The following MAGI2 variants were observed in gnomAD, a reference collection of about 807,000 sequenced individuals.
MAGI2 encodes membrane associated guanylate kinase, WW and PDZ domain containing 2, also known as membrane-associated guanylate kinase, WW and PDZ domain-containing protein 2.
Under a neutral mutation model 133.3 loss-of-function variants are expected in MAGI2, and 35 were observed. The observed-to-expected ratio is 0.26, with a 90% confidence interval of 0.20 to 0.35. The LOEUF (loss-of-function observed/expected upper bound fraction) is 0.35. Among genes scored for constraint, MAGI2 ranks in the 10% least tolerant of loss-of-function variants. MAGI2 has a pLI of 1.00. For synonymous variants in MAGI2, 729 were observed against 710.6 expected (o/e 1.03, Z -0.41); for missense variants, 1,636 against 1,863.4 (o/e 0.88, Z 2.25).
intron 2 of MAGI2, among the ~76,000 whole-genome samples, chr7:78,652,486 A>C (rs2151017196): frequency 6.6e-6 from 1 of 152,284 alleles, no homozygotes; most frequent in East Asian, 1.9e-4. Context: ...ATCTAAAACC[A>C]TCTGATCCTT....
At chr7:78,070,154 C>T (rs1439392639) in intron 21 of MAGI2, among the ~76,000 whole-genome samples, 3 of 118,420 alleles carry the variant, frequency 2.5e-5, no homozygotes, top group African/African-American at 6.6e-5. Context: ...TATATACACA[C>T]ATATATATAC....
intron 2 of MAGI2, among the ~76,000 whole-genome samples, chr7:78,866,602 C>T (rs1563598981): frequency 6.6e-6 from 1 of 151,912 alleles, no homozygotes; most frequent in African/African-American, 2.4e-5. Flanking sequence ...CTTATCGGGG[C>T]TGCTGGAACC....
At chr7:78,483,486 A>G (rs560500467) in intron 6 of MAGI2, among the ~76,000 whole-genome samples, 49 of 151,980 alleles carry the variant, frequency 3.2e-4, no homozygotes, top group African/African-American at 1.1e-3. Flanking sequence ...AAAATACTTA[A>G]TATCTTTTAT....
intron 1 of MAGI2, among the ~76,000 whole-genome samples, chr7:79,070,761 G>C (rs954211956): frequency 2.0e-5 from 3 of 151,982 alleles, no homozygotes; most frequent in South Asian, 4.2e-4. Context: ...AAAGTGCTGG[G>C]ATTACAGGTG....
At chr7:79,187,976 T>C (rs1413647729) in intron 1 of MAGI2, among the ~76,000 whole-genome samples, 3 of 151,866 alleles carry the variant, frequency 2.0e-5, no homozygotes, top group East Asian at 3.9e-4. Flanking sequence ...GCATTTCCAC[T>C]AAAAGGTTTA....
intron 2 of MAGI2, among the ~76,000 whole-genome samples, chr7:78,760,183 G>A (rs143619146): frequency 1.3e-5 from 2 of 152,028 alleles, no homozygotes; most frequent in Non-Finnish European, 2.9e-5. Flanking sequence ...GTTTCTCTGA[G>A]AGCACCTGCC....
At chr7:78,813,248 A>G (rs888050368) in intron 2 of MAGI2, among the ~76,000 whole-genome samples, 7 of 152,218 alleles carry the variant, frequency 4.6e-5, no homozygotes, top group African/African-American at 1.7e-4. Context: ...AGTTCAAGAA[A>G]ACCACAGACC....
intron 2 of MAGI2, among the ~76,000 whole-genome samples, chr7:79,002,305 T>A (rs1415570017): frequency 1.3e-5 from 2 of 151,768 alleles, no homozygotes; most frequent in Admixed American, 1.3e-4. Context: ...ATTTTTTTTT[T>A]GTAGAGATAG....
intron 2 of MAGI2, among the ~76,000 whole-genome samples, chr7:79,001,818 A>G (rs1240592196): frequency 2.0e-5 from 3 of 152,210 alleles, no homozygotes; most frequent in African/African-American, 7.2e-5. Context: ...TGCACATTTA[A>G]CATGCTGTGA....
intron 2 of MAGI2, among the ~76,000 whole-genome samples, chr7:78,914,370 C>T (rs370953575): frequency 6.6e-6 from 1 of 152,006 alleles, no homozygotes. Flanking sequence ...ACTAAAAATT[C>T]AATTAATTAG....
intron 3 of MAGI2, among the ~76,000 whole-genome samples, chr7:78,576,927 TG>T (rs1802328921): frequency 6.6e-6 from 1 of 152,138 alleles, no homozygotes; most frequent in Non-Finnish European, 1.5e-5. Context: ...AGTTAAGCCC[TG>T]TCTCTACTAA....
At chr7:78,066,558 C>G (rs544346985) in intron 21 of MAGI2, among the ~76,000 whole-genome samples, 1 of 151,942 alleles carries the variant, frequency 6.6e-6, no homozygotes, top group Non-Finnish European at 1.5e-5. Flanking sequence ...CTTGCCTGTT[C>G]TGTTCCACTG....
chr7:79,004,228 T>C (rs1039794019), intron 2 of MAGI2, among the ~76,000 whole-genome samples: 10 of 152,044 alleles, frequency 6.6e-5, no homozygotes, highest in African/African-American at 2.4e-4. Flanking sequence ...AAGGGACAAA[T>C]GGATACATAA....
At chr7:79,251,601 T>C (rs1015406263) in intron 1 of MAGI2, among the ~76,000 whole-genome samples, 1 of 152,062 alleles carries the variant, frequency 6.6e-6, no homozygotes, top group Non-Finnish European at 1.5e-5. Context: ...CTGGTGAGGA[T>C]GTGAAGAAAA....
At chr7:79,301,861 T>A (rs1472953204) in intron 1 of MAGI2, among the ~76,000 whole-genome samples, 1 of 152,178 alleles carries the variant, frequency 6.6e-6, no homozygotes, top group East Asian at 1.9e-4. Context: ...GGTGCTGTCT[T>A]CATGATAGTG....
intron 1 of MAGI2, among the ~76,000 whole-genome samples, chr7:79,103,853 C>T (rs1051041985): frequency 5.7e-5 from 7 of 122,372 alleles, no homozygotes; most frequent in Non-Finnish European, 1.4e-4. Context: ...GCGCCCGCCA[C>T]CACACCTGGC....
chr7:79,018,853 T>C (rs1004848166), intron 1 of MAGI2, among the ~76,000 whole-genome samples: 3 of 152,134 alleles, frequency 2.0e-5, no homozygotes, highest in South Asian at 2.1e-4. Flanking sequence ...ATCCTAAATA[T>C]ATACACACAG....
intron 1 of MAGI2, among the ~76,000 whole-genome samples, chr7:79,021,643 T>G (rs1267152260): frequency 6.6e-6 from 1 of 152,224 alleles, no homozygotes; most frequent in Admixed American, 6.5e-5. Context: ...ATCTAGGAAG[T>G]AACTAACTTG....
chr7:78,110,737 G>C lies in MAGI2; in HGVS notation c.3567+14957C>G, dbSNP rs553896843. On this transcript the variant is annotated intron_variant, in intron 20 of 21. Transcript: ENST00000354212. Reference sequence around the variant, plus strand: ...GAGAAGGAAGCAGCAATGTTCCACAGGCAGGAGCAATGCCATCTCTGAGTT... The same window carrying C: ...GAGAAGGAAGCAGCAATGTTCCACACGCAGGAGCAATGCCATCTCTGAGTT... Among the ~76,000 whole-genome samples the C allele has an allele frequency of 4.6e-5, 7 of 152,306 alleles. No homozygotes were observed. In the East Asian group the frequency reaches 1.4e-3, roughly 29 times the overall value.
Sources: gnomAD v4.1 joint callset for allele counts (sites outside exome capture counted in the v4.1 genomes callset) on GRCh38, gnomAD v4.1.1 for gene constraint, MANE v1.5 for transcripts, NCBI Gene and HGNC (gene_info 2026-07-23, HGNC 2026-07-21) for gene names.